The following RAPGEF4 variants were observed in gnomAD, a reference collection of about 807,000 sequenced individuals.
RAPGEF4 encodes RAP guanine-nucleotide-exchange factor (GEF) 4.
Under a neutral mutation model 147.9 loss-of-function variants are expected in RAPGEF4, and 66 were observed. The observed-to-expected ratio is 0.45, with a 90% CI of 0.37 to 0.55. The LOEUF is 0.55. RAPGEF4 is among the 20% of genes least tolerant of loss of function. The pLI is 0.00. For missense variants in RAPGEF4, 1,071 were observed against 1,257.3 expected (o/e 0.85, Z 2.24); for synonymous variants, 419 against 442.7 (o/e 0.95, Z 0.67).
Position 172,841,887 on chromosome 2 carries a change from A to G in RAPGEF4, c.444+27462A>G, listed in dbSNP as rs577730400. On this transcript the variant is annotated intron_variant, in intron 4 of 30. Coordinates refer to ENST00000397081, the MANE Select transcript of RAPGEF4 (RefSeq NM_007023.4). ...TTTAAAAGCAGTTAAAAGGCAGTTA[A>G]AAAACTTGAAAAGTGTGAATTTCCT... Among the ~76,000 whole-genome samples, 7 of 152,126 alleles carry G rather than the reference A, an allele frequency of 4.6e-5. No homozygotes were observed. The East Asian group carries it at 1.4e-3, about 29-fold the overall frequency.
chr2:172,979,239 G>A (rs1691418295), intron 10 of RAPGEF4, among the ~76,000 whole-genome samples: 1 of 152,142 alleles, frequency 6.6e-6, no homozygotes, highest in Non-Finnish European at 1.5e-5. Context: ...ACCTCAGTGG[G>A]AAGGACAACA....
chr2:172,742,245 A>T (rs537273360), intron 1 of RAPGEF4, among the ~76,000 whole-genome samples: 2 of 152,150 alleles, frequency 1.3e-5, no homozygotes, highest in South Asian at 4.2e-4. Context: ...TTACCTCATA[A>T]CTTTCTTTTT....
At chr2:172,984,630 G>A (rs898358593) in intron 11 of RAPGEF4, among the ~76,000 whole-genome samples, 1 of 152,218 alleles carries the variant, frequency 6.6e-6, no homozygotes, top group Non-Finnish European at 1.5e-5. Context: ...GGGCATAGAT[G>A]TAGTGCCTGG....
intron 6 of RAPGEF4, among the ~76,000 whole-genome samples, chr2:172,953,663 T>C (rs1201542229): frequency 6.6e-6 from 1 of 152,146 alleles, no homozygotes; most frequent in Non-Finnish European, 1.5e-5. Flanking sequence ...TAAAATGTTA[T>C]TTCAGCTATT....
intron 14 of RAPGEF4, 107 bp from the exon 15 acceptor site, chr2:172,990,703 C>A (rs1692744300): frequency 4.0e-6 from 3 of 747,748 alleles, no homozygotes; most frequent in Non-Finnish European, 6.8e-6. Flanking sequence ...TTTGTAGACG[C>A]AACAATTAGC....
At chr2:172,920,302 A>G (rs1259171690) in intron 5 of RAPGEF4, among the ~76,000 whole-genome samples, 1 of 152,154 alleles carries the variant, frequency 6.6e-6, no homozygotes, top group East Asian at 1.9e-4. Flanking sequence ...ATTTTTGAAA[A>G]TAAGGACTTT....
intron 1 of RAPGEF4, among the ~76,000 whole-genome samples, chr2:172,747,278 T>C (rs1694865061): frequency 6.6e-6 from 1 of 152,198 alleles, no homozygotes; most frequent in Non-Finnish European, 1.5e-5. Context: ...ATGTATACAT[T>C]GTGAAATAAT....
intron 1 of RAPGEF4, among the ~76,000 whole-genome samples, chr2:172,756,579 C>A (rs1318645349): frequency 6.6e-6 from 1 of 152,184 alleles, no homozygotes; most frequent in Admixed American, 6.5e-5. Flanking sequence ...TGACTTCTTC[C>A]TCAGCCCTGT....
intron 4 of RAPGEF4, among the ~76,000 whole-genome samples, chr2:172,818,069 G>A (rs966878280): frequency 1.3e-5 from 2 of 151,530 alleles, no homozygotes; most frequent in South Asian, 2.1e-4. Flanking sequence ...ATTATCCTAA[G>A]TGAAGTAACT....
chr2:172,831,987 G>A (rs1239284768), intron 4 of RAPGEF4, among the ~76,000 whole-genome samples: 2 of 152,162 alleles, frequency 1.3e-5, no homozygotes, highest in South Asian at 4.1e-4. Context: ...GTAAAATTGG[G>A]TTTGGGTGTT....
chr2:172,956,102 T>C (rs1037324670), intron 6 of RAPGEF4, among the ~76,000 whole-genome samples: 1 of 152,230 alleles, frequency 6.6e-6, no homozygotes, highest in African/African-American at 2.4e-5. Context: ...CTCTCAGCAG[T>C]GGCCCCGAGG....
At chr2:172,968,929 A>G (rs766412797) in intron 10 of RAPGEF4, among the ~76,000 whole-genome samples, 1 of 152,108 alleles carries the variant, frequency 6.6e-6, no homozygotes, top group Admixed American at 6.5e-5. Flanking sequence ...TCCTGGGTCC[A>G]TCCCCTTTTT....
At chr2:172,835,724 A>AT (rs1401109573) in intron 4 of RAPGEF4, among the ~76,000 whole-genome samples, 5 of 152,252 alleles carry the variant, frequency 3.3e-5, no homozygotes, top group African/African-American at 1.2e-4. Context: ...AAAATTATTT[A>AT]TCCTTATTGA....
At chr2:172,911,743 A>C (rs1700112113) in intron 4 of RAPGEF4, among the ~76,000 whole-genome samples, 1 of 147,916 alleles carries the variant, frequency 6.8e-6, no homozygotes, top group Non-Finnish European at 1.5e-5. Context: ...ACAGACATGA[A>C]CCACTGTGCT....
intron 3 of RAPGEF4, among the ~76,000 whole-genome samples, chr2:172,810,042 A>C (rs529497687): frequency 6.6e-6 from 1 of 152,312 alleles, no homozygotes. Context: ...CTGAAATAAG[A>C]ATCAATATAA....
chr2:172,942,561 A>G (rs1687268638), intron 6 of RAPGEF4, among the ~76,000 whole-genome samples: 1 of 141,682 alleles, frequency 7.1e-6, no homozygotes, highest in East Asian at 2.1e-4. Flanking sequence ...TAGATCTTAG[A>G]GTCTGGTAAA....
chr2:172,828,116 A>T (rs1689881343), intron 4 of RAPGEF4, among the ~76,000 whole-genome samples: 1 of 152,178 alleles, frequency 6.6e-6, no homozygotes, highest in Admixed American at 6.5e-5. Flanking sequence ...GGATCTTGCA[A>T]CTTAATGGAG....
intron 4 of RAPGEF4, among the ~76,000 whole-genome samples, chr2:172,889,614 T>C (rs1383958536): frequency 6.6e-6 from 1 of 151,558 alleles, no homozygotes; most frequent in East Asian, 1.9e-4. Flanking sequence ...TTTAATCAAA[T>C]ATATATGTAT....
At chr2:172,797,000 A>G (rs2149551210) in intron 2 of RAPGEF4, among the ~76,000 whole-genome samples, 1 of 152,348 alleles carries the variant, frequency 6.6e-6, no homozygotes, top group East Asian at 1.9e-4. Flanking sequence ...ACAAACTTAG[A>G]GCAAGATCAG....
Sources: gnomAD v4.1 joint callset for allele counts (sites outside exome capture counted in the v4.1 genomes callset) on GRCh38, gnomAD v4.1.1 for gene constraint, MANE v1.5 for transcripts, NCBI Gene and HGNC (gene_info 2026-07-23, HGNC 2026-07-21) for gene names.